Variants in IFT80 observed in about 807,000 individuals in gnomAD.
IFT80 encodes intraflagellar transport 80, also known as intraflagellar transport protein 80 homolog.
IFT80 carries 79 observed loss-of-function variants against 107.9 expected under a neutral mutation model. That is an observed-to-expected ratio of 0.73 (90% CI 0.61 to 0.88). IFT80 has a LOEUF of 0.88. Ranked by LOEUF, IFT80 falls within the 40% of genes least tolerant of loss-of-function variation. The probability of loss-of-function intolerance (pLI) is 0.00; values close to 1 mark genes in which losing one functional copy is unlikely to be tolerated. For synonymous variants in IFT80, 299 were observed against 300.9 expected (o/e 0.99, Z 0.07); for missense variants, 797 against 914.2 (o/e 0.87, Z 1.65).
At chr3:160,367,020 T>C (rs1721918539) in intron 5 of IFT80, among the ~76,000 whole-genome samples, 2 of 152,226 alleles carry the variant, frequency 1.3e-5, no homozygotes, top group South Asian at 2.1e-4. Context: ...AGTGAGAACA[T>C]GCAATGTTTG....
intron 1 of IFT80, among the ~76,000 whole-genome samples, chr3:160,385,954 C>T (rs1221774097): frequency 1.3e-5 from 2 of 152,128 alleles, no homozygotes; most frequent in Non-Finnish European, 2.9e-5. Flanking sequence ...CAACAATACA[C>T]ATAAAAACTG....
intron 8 of IFT80, among the ~76,000 whole-genome samples, chr3:160,336,522 C>T (rs1441901787): frequency 1.3e-5 from 2 of 151,750 alleles, no homozygotes; most frequent in East Asian, 1.9e-4. Context: ...CCCCCATTTC[C>T]TCCCTCTCTC....
rs754592412 is a variant in IFT80 at position 160,279,316 on chromosome 3, T to C, written c.1713A>G (p.Val571=). 1 of 1,613,360 alleles carries C rather than the reference T, an allele frequency of 6.2e-7. No homozygotes were observed. The highest frequency in any genetic ancestry group is 1.1e-5 in the South Asian group (1 of 91,064). ...PHIVSFVGNQ[V]TIRRADGSLV... Reference sequence around the variant, plus strand: ...GGGAGCCATCAGCTCTTCTAATAGTTACTTGATTTCCAACAAAACTCACAA... The same window carrying C: ...GGGAGCCATCAGCTCTTCTAATAGTCACTTGATTTCCAACAAAACTCACAA... The change falls in exon 16 of 20, where the codon GTA becomes GTG. Residue 571 remains valine, a synonymous_variant. Coordinates refer to ENST00000326448, the MANE Select transcript of IFT80 (RefSeq NM_020800.3).
chr3:160,270,579 G>A (rs907784182), intron 18 of IFT80, among the ~76,000 whole-genome samples: 2 of 151,700 alleles, frequency 1.3e-5, no homozygotes, highest in Non-Finnish European at 2.9e-5. Flanking sequence ...GTGACCTTAC[G>A]TCTTTCAGAA....
At chr3:160,318,572 C>T (rs1024287902) in intron 9 of IFT80, among the ~76,000 whole-genome samples, 5 of 151,982 alleles carry the variant, frequency 3.3e-5, no homozygotes, top group African/African-American at 9.7e-5. Context: ...GAAGGAGAGA[C>T]AAAGATGAGC....
chr3:160,291,039 T>C (rs2108250879), intron 12 of IFT80, among the ~76,000 whole-genome samples: 1 of 152,380 alleles, frequency 6.6e-6, no homozygotes, highest in East Asian at 1.9e-4. Flanking sequence ...AAGATTACTC[T>C]AGTTCAACAG....
chr3:160,311,990 C>G (rs1280738105), intron 9 of IFT80, among the ~76,000 whole-genome samples: 2 of 152,124 alleles, frequency 1.3e-5, no homozygotes, highest in African/African-American at 2.4e-5. Flanking sequence ...ACCGTGTTAG[C>G]CAGGATGGCC....
At chr3:160,277,738 T>A in intron 16 of IFT80, 68 bp from the exon 17 acceptor site, 1 of 931,210 alleles carries the variant, frequency 1.1e-6, no homozygotes, top group Non-Finnish European at 1.8e-6. Flanking sequence ...AGCAGTGATT[T>A]AAATACTCAT....
Position 160,277,436 on chromosome 3 carries a change from A to G in IFT80, c.1969T>C (p.Ser657Pro). ...QYINSIKNLPSKESKMAHILL... is the reference protein window; with the variant it reads ...QYINSIKNLPPKESKMAHILL... ...ATGTGGGCCATTTTTGATTCTTTAG[A>G]TGGAAGATTTTTTATAGAATTGATG... The change falls in exon 18 of 20, where the codon TCT (serine) becomes CCT (proline). Residue 657 changes from serine (S) to proline (P), a missense_variant. Coordinates refer to ENST00000326448, the MANE Select transcript of IFT80 (RefSeq NM_020800.3). 1 of 1,611,520 alleles carries G rather than the reference A, an allele frequency of 6.2e-7. No individual in the cohort carries two copies. Among genetic ancestry groups the G allele is most frequent in the Non-Finnish European group, 8.5e-7 (1 of 1,177,804 alleles).
chr3:160,288,737 A>G (rs1420849880), intron 12 of IFT80, among the ~76,000 whole-genome samples: 7 of 152,194 alleles, frequency 4.6e-5, no homozygotes, highest in Non-Finnish European at 1.0e-4. Flanking sequence ...ATAGAGAAAT[A>G]CAGATCAAAA....
At position 160,344,245 on chromosome 3, in the gene IFT80, G is replaced by A. The variant is rs114777027; in HGVS notation, c.777+11768C>T. Among the ~76,000 whole-genome samples, 678 of 151,966 alleles carry A rather than the reference G, an allele frequency of 4.5e-3. 8 individuals are homozygous for A. Among genetic ancestry groups the A allele is most frequent in the African/African-American group, 0.016 (653 of 41,426 alleles). On this transcript the variant is annotated intron_variant, in intron 8 of 19. Coordinates refer to ENST00000326448, the MANE Select transcript of IFT80 (RefSeq NM_020800.3). ...CCAGAATTTCTATTACATTCCTTTT[G>A]TATAATTTCTATCCTTTTACTGGTA...
chr3:160,321,361 T>C (rs1370053833), intron 8 of IFT80, among the ~76,000 whole-genome samples: 4 of 151,990 alleles, frequency 2.6e-5, no homozygotes, highest in Non-Finnish European at 5.9e-5. Flanking sequence ...TAAGACTTGA[T>C]ATATTAACAT....
At chr3:160,320,960 CT>C (rs1355417377) in intron 8 of IFT80, among the ~76,000 whole-genome samples, 1 of 151,818 alleles carries the variant, frequency 6.6e-6, no homozygotes, top group Non-Finnish European at 1.5e-5. Context: ...CTGAAAGGCT[CT>C]TCAACCACTC....
chr3:160,365,962 G>A, intron 6 of IFT80, 81 bp downstream of exon 6: 2 of 1,010,464 alleles, frequency 2.0e-6, no homozygotes, highest in Non-Finnish European at 3.2e-6. Context: ...CCACCCAGAA[G>A]AAAGAGACTC....
At chr3:160,395,076 A>G (rs1713676631) in intron 1 of IFT80, among the ~76,000 whole-genome samples, 1 of 152,192 alleles carries the variant, frequency 6.6e-6, no homozygotes, top group Non-Finnish European at 1.5e-5. Context: ...CTATCCACTT[A>G]TATATTTAAT....
At chr3:160,385,906 T>G (rs1435406948) in intron 1 of IFT80, among the ~76,000 whole-genome samples, 1 of 152,188 alleles carries the variant, frequency 6.6e-6, no homozygotes, top group Non-Finnish European at 1.5e-5. Context: ...GAAAGGCAGA[T>G]AAATATTTGC....
chr3:160,393,346 A>G (rs1188662070), intron 1 of IFT80, among the ~76,000 whole-genome samples: 1 of 152,248 alleles, frequency 6.6e-6, no homozygotes, highest in African/African-American at 2.4e-5. Context: ...ATAATATGGA[A>G]GGGTTAAAAT....
At position 160,321,839 on chromosome 3, in the gene IFT80, G is replaced by A. The variant is rs199553045; in HGVS notation, c.778-1900C>T. Among the ~76,000 whole-genome samples the A allele has an allele frequency of 2.0e-5, 3 of 151,396 alleles. No homozygotes were observed. The East Asian group carries it at 5.8e-4, about 29-fold the overall frequency. On this transcript the variant is annotated intron_variant, in intron 8 of 19. Transcript: ENST00000326448. ...TTTTTATTTTTATTTTTTTATATGT[G>A]AAAGATTCATTTTATTATTTAATCT... is the stretch of plus-strand genomic sequence containing the variant.
Position 160,257,333 on chromosome 3 carries a change from T to G in IFT80, c.*1192A>C. 6.6e-6 allele frequency: 1 copy of G among 152,164 alleles called. No homozygotes were observed. The allele number at this position is 152,164 out of a possible 1,614,324, so 9.4% of individuals were successfully genotyped here. A position where few individuals can be genotyped will look rare whatever the true frequency, so the allele number is the denominator to read the frequency against. On this transcript the variant is annotated 3_prime_UTR_variant, in exon 20 of 20. Transcript: ENST00000326448. ...TATATATATCATACATAATCCCATA[T>G]CTATGCATCTATACCCACCCTATAA...
Sources: allele counts gnomAD v4.1 joint callset (sites outside exome capture counted in the v4.1 genomes callset), GRCh38; gene constraint gnomAD v4.1.1; transcripts MANE v1.5; gene names NCBI Gene and HGNC (gene_info 2026-07-23, HGNC 2026-07-21).